LRRC36: variants seen among roughly 807,000 people sequenced by gnomAD.
The protein encoded by LRRC36 is leucine-rich repeat-containing protein 36.
Under a neutral mutation model 81.1 loss-of-function variants are expected in LRRC36, and 62 were observed. The observed-to-expected ratio is 0.76, with a 90% CI of 0.62 to 0.94. LRRC36 has a LOEUF of 0.94. LRRC36 is among the 40% of genes least tolerant of loss of function. The pLI, the probability that LRRC36 is intolerant of heterozygous loss-of-function variation, is 0.00. For synonymous variants in LRRC36, 334 were observed against 348.6 expected (o/e 0.96, Z 0.47); for missense variants, 761 against 881.7 (o/e 0.86, Z 1.73).
chr16:67,366,941 A>G, intron 7 of LRRC36, 76 bp from the exon 8 acceptor site: 1 of 1,123,040 alleles, frequency 8.9e-7, no homozygotes, highest in Non-Finnish European at 1.3e-6. Context: ...GAATATGTTC[A>G]GTGAACAGAG....
chr16:67,333,109 A>G (rs1410138483), intron 1 of LRRC36, among the ~76,000 whole-genome samples: 2 of 151,874 alleles, frequency 1.3e-5, no homozygotes, highest in African/African-American at 2.4e-5. Context: ...TATAATTCAC[A>G]TACTATAAAG....
intron 5 of LRRC36, among the ~76,000 whole-genome samples, chr16:67,363,329 C>T (rs2039243070): frequency 6.6e-6 from 1 of 152,160 alleles, no homozygotes; most frequent in Non-Finnish European, 1.5e-5. Flanking sequence ...ATTATGAAGC[C>T]ATTTCATATC....
In LRRC36 at chr16:67,346,261, C is replaced by T. The variant is rs1192475325; in HGVS notation, c.204C>T (p.Ile68=). 6.4e-7 allele frequency: 1 copy of T among 1,558,944 alleles called. No individual in the cohort carries two copies. Among genetic ancestry groups the T allele is most frequent in the Non-Finnish European group, 8.7e-7 (1 of 1,143,284 alleles). The change falls in exon 3 of 14, where the codon ATC becomes ATT. Residue 68 remains isoleucine (I), a synonymous_variant. Transcript: ENST00000329956. The stretch of plus-strand genomic sequence containing the variant: ...ATGTGGTGTTTTCCTTGTAGGGAAT[C>T]CAGTATTTATGTTCACTCCAAGACC... ...SRNLITSLKG[I]QYLCSLQDLN...
At chr16:67,360,126 CAAA>C (rs551585538) in intron 5 of LRRC36, among the ~76,000 whole-genome samples, 3 of 118,474 alleles carry the variant, frequency 2.5e-5, no homozygotes, top group Admixed American at 9.0e-5. Context: ...GACTCTGTCT[CAAA>C]AAAAAAAAAA....
intron 9 of LRRC36, among the ~76,000 whole-genome samples, chr16:67,373,265 CT>C (rs1294542839): frequency 2.6e-5 from 4 of 152,072 alleles, no homozygotes; most frequent in Non-Finnish European, 4.4e-5. Flanking sequence ...TTAAAAGCTC[CT>C]TTTTTTCTGT....
intron 9 of LRRC36, 147 bp from the exon 10 acceptor site, chr16:67,375,100 C>G (rs906251167): frequency 8.6e-6 from 7 of 809,644 alleles, no homozygotes; most frequent in African/African-American, 3.5e-5. Flanking sequence ...GCACTCCAGC[C>G]TGGGTGACAG....
intron 1 of LRRC36, among the ~76,000 whole-genome samples, chr16:67,331,109 G>A (rs2037468849): frequency 7.1e-6 from 1 of 140,028 alleles, no homozygotes; most frequent in Non-Finnish European, 1.6e-5. Context: ...GAGAGAGAGA[G>A]AGAGAAGACT....
At position 67,370,950 on chromosome 16, in the gene LRRC36, A is replaced by G; in HGVS notation, c.1202A>G (p.Tyr401Cys). 6.2e-7 allele frequency: 1 copy of G among 1,612,264 alleles called. No homozygotes were observed. The highest frequency in any genetic ancestry group is 1.1e-5 in the South Asian group (1 of 91,018). Residue 401 changes from tyrosine (Y) to cysteine (C), a missense_variant, in exon 9 of 14, where the codon TAT (tyrosine) becomes TGT (cysteine). This residue lies in a region of LRRC36 where 139 missense variants were observed against 214.0 expected (regional missense o/e 0.65). Coordinates refer to ENST00000329956, the MANE Select transcript of LRRC36 (RefSeq NM_018296.6). The stretch of plus-strand genomic sequence containing the variant: ...TAGCCTGTTTCCTCCACAGATCTGT[A>G]TGCCACAACCCATTTCAACAGTGAC... ...GRLLKLSSDL[Y>C]ATTHFNSDPA... is the part of the protein sequence containing the mutation.
chr16:67,384,402 C>A (rs1182590004), intron 13 of LRRC36, among the ~76,000 whole-genome samples: 1 of 152,110 alleles, frequency 6.6e-6, no homozygotes, highest in Non-Finnish European at 1.5e-5. Context: ...CCATTGCACT[C>A]TAGCCTGGGC....
chr16:67,331,721 C>T (rs1436508188), intron 1 of LRRC36, among the ~76,000 whole-genome samples: 2 of 152,070 alleles, frequency 1.3e-5, no homozygotes, highest in Admixed American at 1.3e-4. Flanking sequence ...GGTGTAGTGG[C>T]TCACGCCTGT....
chr16:67,347,538 G>T lies in LRRC36; in HGVS notation c.435G>T (p.Leu145=). 6.2e-7 allele frequency: 1 copy of T among 1,613,134 alleles called. No individual in the cohort carries two copies. The highest frequency in any genetic ancestry group is 8.5e-7 in the Non-Finnish European group (1 of 1,179,226). Residue 145 remains leucine, a synonymous_variant, in exon 4 of 14, where the codon CTG becomes CTT. Transcript: ENST00000329956. The part of the protein sequence containing the change: ...VREGERKAAK[L]HFSQLGNSEN... Reference sequence around the variant, plus strand: ...AAGGTGAGAGAAAAGCTGCCAAGCTGCATTTTAGTCAGTTGGGCAACAGTG... The same window carrying T: ...AAGGTGAGAGAAAAGCTGCCAAGCTTCATTTTAGTCAGTTGGGCAACAGTG...
Position 67,347,565 on chromosome 16 carries a change from A to G in LRRC36, c.462A>G (p.Glu154=). 1 of 1,612,610 alleles carries G rather than the reference A, an allele frequency of 6.2e-7. No individual in the cohort carries two copies. Among genetic ancestry groups the G allele is most frequent in the Non-Finnish European group, 8.5e-7 (1 of 1,178,856 alleles). The change falls in exon 4 of 14, where the codon GAA becomes GAG. Residue 154 remains glutamate (E), a synonymous_variant. Transcript: ENST00000329956. ...ATTTTAGTCAGTTGGGCAACAGTGA[A>G]AATTTTCTTTTAGAGGTGGAAAAAA... ...KLHFSQLGNS[E]NFLLEVEKSS...
chr16:67,337,429 G>A (rs1205830171), intron 1 of LRRC36, among the ~76,000 whole-genome samples: 2 of 148,134 alleles, frequency 1.4e-5, no homozygotes, highest in Non-Finnish European at 3.0e-5. Context: ...GTGCAATGGT[G>A]CGACTGCAGC....
intron 1 of LRRC36, among the ~76,000 whole-genome samples, chr16:67,336,347 G>C (rs1227334621): frequency 1.3e-5 from 2 of 152,186 alleles, no homozygotes; most frequent in Non-Finnish European, 2.9e-5. Context: ...ACTTGCTTGA[G>C]TAAATACCAA....
chr16:67,345,822 G>A (rs1264877701), intron 2 of LRRC36, among the ~76,000 whole-genome samples: 1 of 150,802 alleles, frequency 6.6e-6, no homozygotes, highest in Non-Finnish European at 1.5e-5. Context: ...CCCAGAACCA[G>A]CTTTTTTGCT....
intron 12 of LRRC36, 116 bp downstream of exon 12, chr16:67,378,828 G>A: frequency 8.8e-7 from 1 of 1,131,548 alleles, no homozygotes; most frequent in Non-Finnish European, 1.2e-6. Context: ...GGCCTACTTG[G>A]TCATCAGTTT....
intron 1 of LRRC36, among the ~76,000 whole-genome samples, chr16:67,341,628 C>A (rs2038086348): frequency 6.6e-6 from 1 of 151,838 alleles, no homozygotes; most frequent in Admixed American, 6.6e-5. Flanking sequence ...TTTATATAAC[C>A]TGCCAAAATT....
At chr16:67,383,788 C>G (rs955475882) in intron 13 of LRRC36, among the ~76,000 whole-genome samples, 6 of 152,082 alleles carry the variant, frequency 3.9e-5, no homozygotes, top group African/African-American at 1.4e-4. Context: ...AAGATAAATC[C>G]AGAAAAATCC....
intron 11 of LRRC36, among the ~76,000 whole-genome samples, chr16:67,377,630 C>A (rs1375478065): frequency 6.6e-6 from 1 of 151,854 alleles, no homozygotes; most frequent in Admixed American, 6.6e-5. Flanking sequence ...CTGCACCTGG[C>A]CGCCTTTTTT....
Sources: gnomAD v4.1 joint callset for allele counts (sites outside exome capture counted in the v4.1 genomes callset) on GRCh38, gnomAD v4.1.1 for gene constraint, gnomAD v4.1.1 regional missense constraint, MANE v1.5 for transcripts, NCBI Gene and HGNC (gene_info 2026-07-23, HGNC 2026-07-21) for gene names.